Variants in ACP1 observed in about 807,000 individuals in gnomAD.
ACP1 encodes the protein acid phosphatase 1.
A neutral mutation model predicts 23.4 loss-of-function variants in ACP1; 23 were observed. The observed-to-expected ratio is 0.98, with a 90% CI of 0.71 to 1.39. ACP1 has a LOEUF of 1.39. Among genes scored for constraint, ACP1 ranks in the 40% most tolerant of loss-of-function variants. ACP1 has a pLI of 0.00. For missense variants in ACP1, 180 were observed against 197.7 expected (o/e 0.91, Z 0.54); for synonymous variants, 72 against 67.2 (o/e 1.07, Z -0.35).
chr2:267,357 G>A (rs1489566502), intron 1 of ACP1, among the ~76,000 whole-genome samples: 13 of 152,190 alleles, frequency 8.5e-5, no homozygotes, highest in Non-Finnish European at 1.5e-5. Flanking sequence ...ATTAATTGAT[G>A]TGCTCAATCG....
At chr2:270,910 G>C (rs1670011196) in intron 1 of ACP1, among the ~76,000 whole-genome samples, 1 of 152,140 alleles carries the variant, frequency 6.6e-6, no homozygotes, top group Non-Finnish European at 1.5e-5. Context: ...GTAATGGTAA[G>C]TGTTCTGCTT....
chr2:272,572 C>T lies in ACP1; in HGVS notation c.231+422C>T, dbSNP rs747632113. 1.9e-4 allele frequency: 177 copies of T among 954,314 alleles called. No homozygotes were observed. The Middle Eastern group carries it at 2.0e-3, about 11-fold the overall frequency. The allele number at this position is 954,314 out of a possible 1,614,324, so 59.1% of individuals were successfully genotyped here. The stretch of plus-strand genomic sequence containing the variant: ...GAGCTGGGGCTGAGCGGTGCTCTGT[C>T]TTCTGTTCCTTCCTGCATAATTTTT... On this transcript the variant is annotated intron_variant, in intron 3 of 5. Coordinates refer to ENST00000272065, the MANE Select transcript of ACP1 (RefSeq NM_004300.4).
Position 277,413 on chromosome 2 carries a change from T to G in ACP1, c.*109T>G, listed in dbSNP as rs1019517165. On this transcript the variant is annotated 3_prime_UTR_variant, in exon 6 of 6. Transcript: ENST00000272065. ...CCAGGGCCCAAAGCCCAGCTCTTTG[T>G]TCAGTTGACTTACTGTTTCTTACCT... The G allele has an allele frequency of 1.4e-5, 13 of 906,494 alleles. No homozygotes were observed. The highest frequency in any genetic ancestry group is 9.2e-5 in the Admixed American group (5 of 54,162). The allele number at this position is 906,494 out of a possible 1,614,324, so 56.2% of individuals were successfully genotyped here.
intron 1 of ACP1, among the ~76,000 whole-genome samples, chr2:267,718 T>C (rs1669928204): frequency 6.6e-6 from 1 of 152,220 alleles, no homozygotes; most frequent in Admixed American, 6.5e-5. Context: ...TGTAGATGTA[T>C]AGGGAGAAGT....
intron 1 of ACP1, among the ~76,000 whole-genome samples, chr2:267,633 T>C (rs542290419): frequency 1.5e-3 from 229 of 152,346 alleles, no homozygotes; most frequent in African/African-American, 4.9e-3. Flanking sequence ...AGATAGTTTT[T>C]CTCAGTCAGG....
intron 1 of ACP1, 181 bp downstream of exon 1, chr2:265,188 C>T (rs1247277598): frequency 4.9e-6 from 3 of 609,316 alleles, no homozygotes; most frequent in Non-Finnish European, 8.0e-6. Flanking sequence ...CCCGTGCACC[C>T]GCCCAGCCTG....
chr2:264,998 G>T lies in ACP1; in HGVS notation c.34G>T (p.Val12Leu). Reference sequence around the variant, plus strand: ...ACAGGCTACCAAGTCCGTGCTGTTTGTGTGTCTGGGTAAGAGGGCGCCGAC... The same window carrying T: ...ACAGGCTACCAAGTCCGTGCTGTTTTTGTGTCTGGGTAAGAGGGCGCCGAC... ...AEQATKSVLF[V>L]CLGNICRSPI... The change falls in exon 1 of 6, where the codon GTG (valine) becomes TTG (leucine). Residue 12 changes from valine (V) to leucine (L), a missense_variant. Coordinates refer to ENST00000272065, the MANE Select transcript of ACP1 (RefSeq NM_004300.4). The T allele has an allele frequency of 1.2e-6, 2 of 1,613,514 alleles. No homozygotes were observed. Among genetic ancestry groups the T allele is most frequent in the Non-Finnish European group, 1.7e-6 (2 of 1,179,716 alleles).
intron 3 of ACP1, chr2:272,420 C>T: frequency 2.0e-6 from 3 of 1,483,092 alleles, no homozygotes; most frequent in Non-Finnish European, 2.7e-6. Context: ...TGAGCTTAAC[C>T]AGCTATGGTG....
chr2:272,062 C>A lies in ACP1; in HGVS notation c.143C>A (p.Ser48Tyr). ...ENWRVDSAAT[S>Y]GYEIGNPPDY... is the part of the protein sequence containing the mutation. ...TGGAGGGTAGACAGCGCGGCAACTT[C>A]CGGGTATGAGATAGGGAACCCCCCT... Residue 48 changes from serine (S) to tyrosine (Y), a missense_variant, in exon 3 of 6, where the codon TCC (serine) becomes TAC (tyrosine). This residue lies in a region of ACP1 where 132 missense variants were observed against 124.1 expected (regional missense o/e 1.06). Transcript: ENST00000272065. 1 of 1,614,004 alleles carries A rather than the reference C, an allele frequency of 6.2e-7. No homozygotes were observed. The highest frequency in any genetic ancestry group is 8.5e-7 in the Non-Finnish European group (1 of 1,180,004).
chr2:277,217 G>A lies in ACP1; in HGVS notation c.400-10G>A, dbSNP rs746521022. On this transcript the variant is annotated splice_polypyrimidine_tract_variant and intron_variant, in intron 5 of 5. Transcript: ENST00000272065. ...GTTTTGCCATTTTCTTCTTTTTCCT[G>A]TCCATTTAGGGGAATGACTCTGACT... 1 of 1,614,066 alleles carries A rather than the reference G, an allele frequency of 6.2e-7. No homozygotes were observed. Among genetic ancestry groups the A allele is most frequent in the East Asian group, 2.2e-5 (1 of 44,882 alleles).
At chr2:274,026 T>C (rs908535108) in intron 3 of ACP1, among the ~76,000 whole-genome samples, 3 of 152,108 alleles carry the variant, frequency 2.0e-5, no homozygotes, top group Non-Finnish European at 4.4e-5. Context: ...AGCTGGGTGC[T>C]ATGACATATG....
In ACP1 at chr2:272,362, C is replaced by G. The variant is rs369085813; in HGVS notation, c.231+212C>G. ...TAGAGTCCAGTAACTTGAGAAGTAGCGAAAGGATTAACCAGACTTGTATAT... is the reference window on the plus strand; with the variant it reads ...TAGAGTCCAGTAACTTGAGAAGTAGGGAAAGGATTAACCAGACTTGTATAT... On this transcript the variant is annotated intron_variant, in intron 3 of 5. Transcript: ENST00000272065. 6 of 1,558,898 alleles carry G rather than the reference C, an allele frequency of 3.8e-6. No homozygotes were observed. The East Asian group carries it at 1.4e-4, about 37-fold the overall frequency.
rs533043082 is a variant in ACP1, at chr2:266,058, A to G, written c.43+1051A>G. The stretch of plus-strand genomic sequence containing the variant: ...CACAAATTTTACTATAATTTGTGTA[A>G]TATAGTAAAAGATGTAATACAGAAA... On this transcript the variant is annotated intron_variant, in intron 1 of 5. Coordinates refer to ENST00000272065, the MANE Select transcript of ACP1 (RefSeq NM_004300.4). 5.3e-5 allele frequency among the ~76,000 whole-genome samples: 8 copies of G among 152,266 alleles called. No homozygotes were observed. The South Asian group carries it at 1.5e-3, about 28-fold the overall frequency.
rs1210643544 is a variant in ACP1 at position 268,015 on chromosome 2, A to G, written c.43+3008A>G. Among the ~76,000 whole-genome samples the G allele has an allele frequency of 7.9e-5, 12 of 152,344 alleles. No homozygotes were observed. In the East Asian group the frequency reaches 1.2e-3, roughly 15 times the overall value. On this transcript the variant is annotated intron_variant, in intron 1 of 5. Transcript: ENST00000272065. ...AATTATTCTTACCGCTGTGGGCTGT[A>G]CATAAAGGCAGTGGACCATGAGCCG...
chr2:272,613 C>A, intron 3 of ACP1: 1 of 633,404 alleles, frequency 1.6e-6, no homozygotes. Flanking sequence ...ACATTTAGGC[C>A]ATAGTAATCA....
chr2:268,427 A>G (rs191276587), intron 1 of ACP1, among the ~76,000 whole-genome samples: 200 of 152,374 alleles, frequency 1.3e-3, no homozygotes, highest in Middle Eastern at 6.8e-3. Context: ...TCCTTACTAC[A>G]GCACAATTAT....
intron 1 of ACP1, chr2:266,457 A>G (rs933657421): frequency 6.6e-6 from 1 of 152,210 alleles, no homozygotes; most frequent in African/African-American, 2.4e-5. Context: ...TTATGCTGGC[A>G]TAATGCATCA....
chr2:266,156 C>T (rs982886181), intron 1 of ACP1: 7 of 152,132 alleles, frequency 4.6e-5, no homozygotes, highest in Non-Finnish European at 1.0e-4. Flanking sequence ...GTTGAAATCC[C>T]AGCTGAGTTT....
chr2:274,094 T>C (rs1670111588), intron 3 of ACP1, among the ~76,000 whole-genome samples: 1 of 152,132 alleles, frequency 6.6e-6, no homozygotes, highest in Non-Finnish European at 1.5e-5. Flanking sequence ...ACTCAAGAAG[T>C]TGAGGCTGCA....
Sources: allele counts gnomAD v4.1 joint callset (sites outside exome capture counted in the v4.1 genomes callset), GRCh38; gene constraint gnomAD v4.1.1; regional missense constraint gnomAD v4.1.1; transcripts MANE v1.5; gene names NCBI Gene and HGNC (gene_info 2026-07-23, HGNC 2026-07-21).